The following CUX2 variants were observed in gnomAD, a reference collection of about 807,000 sequenced individuals.
CUX2 encodes homeobox protein cut-like 2.
In CUX2, 40 loss-of-function variants were observed where a neutral mutation model predicts 144.8. The observed-to-expected ratio is 0.28, with a 90% confidence interval of 0.21 to 0.36. CUX2 has a LOEUF of 0.36. CUX2 is among the 10% of genes least tolerant of loss of function. The pLI is 1.00. For missense variants in CUX2, 1,615 were observed against 1,994.0 expected (o/e 0.81, Z 3.62); for synonymous variants, 827 against 875.6 (o/e 0.94, Z 0.98).
chr12:111,277,660 C>T lies in CUX2; in HGVS notation c.302-13758C>T, dbSNP rs917857438. Among the ~76,000 whole-genome samples, 2 of 152,180 alleles carry T rather than the reference C, an allele frequency of 1.3e-5. No homozygotes were observed. The highest frequency in any genetic ancestry group is 2.9e-5 in the Non-Finnish European group (2 of 68,038). ...GGAGGGCAGGAATTTTCTATCATTT[C>T]CTGCTGGACCTCCACGGCCCAGAGC... On this transcript the variant is annotated intron_variant, in intron 4 of 21. Transcript: ENST00000261726. This position sits in a 1 kb window ranked among gnomAD's most constrained non-coding sequence, Gnocchi z 5.0.
rs374694155 is a variant in CUX2, at chr12:111,293,462, G to A, written c.453G>A (p.Thr151=). The change falls in exon 6 of 22, where the codon ACG becomes ACA. Residue 151 remains threonine (T), a synonymous_variant. Transcript: ENST00000261726. This position sits in a 1 kb window ranked among gnomAD's most constrained non-coding sequence, Gnocchi z 4.5. ...LLSPKEQREG[T]SPAGPTLTEG... ...TCCCTGCAGAGCAGAGAGAGGGGAC[G>A]TCGCCTGCCGGGCCCACGCTGACCG... is the stretch of plus-strand genomic sequence containing the variant. 69 of 1,608,012 alleles carry A rather than the reference G, an allele frequency of 4.3e-5. No individual in the cohort carries two copies. The highest frequency in any genetic ancestry group is 2.3e-4 in the African/African-American group (17 of 74,870).
intron 4 of CUX2, among the ~76,000 whole-genome samples, chr12:111,285,282 C>T (rs1026815910): frequency 1.3e-5 from 2 of 152,130 alleles, no homozygotes; most frequent in African/African-American, 4.8e-5. Flanking sequence ...AATGGTGAGA[C>T]CACCTGGGTC....
rs151241592 is a variant in CUX2, at chr12:111,037,729, C to T, written c.63+3489C>T. Among the ~76,000 whole-genome samples the T allele has an allele frequency of 1.2e-3, 176 of 152,130 alleles. No homozygotes were observed. Among genetic ancestry groups the T allele is most frequent in the African/African-American group, 4.2e-3 (173 of 41,516 alleles). On this transcript the variant is annotated intron_variant, in intron 1 of 21. Transcript: ENST00000261726. The surrounding 1 kb of genome is among the most constrained non-coding windows in gnomAD (Gnocchi z 5.4). ...TTTTTATGGCTTTTCTGTGTATAAT[C>T]GTCGTAACCGGATTCATACCTTTAT...
At chr12:111,217,476 A>G (rs553154731) in intron 2 of CUX2, among the ~76,000 whole-genome samples, 60 of 152,296 alleles carry the variant, frequency 3.9e-4, no homozygotes, top group Non-Finnish European at 7.6e-4. Flanking sequence ...AAGGGCTTTC[A>G]TGTAGTGCTG....
rs1053305592 is a variant in CUX2, at chr12:111,144,889, G to T, written c.64-69311G>T. ...GCTCTTTCTCTTGTCACTGGGTCAG[G>T]CTGTGAGTGAGCTGGGGGTGGGCTC... On this transcript the variant is annotated intron_variant, in intron 1 of 21. Coordinates refer to ENST00000261726, the MANE Select transcript of CUX2 (RefSeq NM_015267.4). 6.6e-5 allele frequency among the ~76,000 whole-genome samples: 10 copies of T among 152,282 alleles called. No homozygotes were observed. The East Asian group carries it at 1.9e-3, about 29-fold the overall frequency.
rs1209886278 is a variant in CUX2 at position 111,176,022 on chromosome 12, CTCTTCTTCT to C, written c.64-38167_64-38159del. Among the ~76,000 whole-genome samples the C allele has an allele frequency of 1.1e-3, 147 of 137,602 alleles. 1 individual carries two copies. The highest frequency in any genetic ancestry group is 3.7e-3 in the African/African-American group (136 of 36,446). The allele number at this position is 137,602 out of a possible 152,430, so 90.3% of individuals were successfully genotyped here. On this transcript the variant is annotated intron_variant, in intron 1 of 21. Coordinates refer to ENST00000261726, the MANE Select transcript of CUX2 (RefSeq NM_015267.4). ...GGAGAACTGATGGGGTTTGAGGAGT[CTCTTCTTCT>C]TCTTCTTCTTTTTTTTTTTTTTTTT...
chr12:111,110,493 T>C (rs1323492986), intron 1 of CUX2, among the ~76,000 whole-genome samples: 3 of 152,252 alleles, frequency 2.0e-5, no homozygotes, highest in African/African-American at 7.2e-5. Context: ...TCTGCCTTTA[T>C]CTGAGCAGGC....
At chr12:111,313,660 T>G (rs1273027308) in intron 16 of CUX2, among the ~76,000 whole-genome samples, 1 of 150,208 alleles carries the variant, frequency 6.7e-6, no homozygotes, top group Non-Finnish European at 1.5e-5. Context: ...AAAAAAAAAA[T>G]GGGGACTGTA....
intron 4 of CUX2, among the ~76,000 whole-genome samples, chr12:111,286,985 T>C (rs1885419737): frequency 6.6e-6 from 1 of 152,156 alleles, no homozygotes; most frequent in Admixed American, 6.5e-5. Flanking sequence ...TTGGATTCTG[T>C]GAGCTTAATG....
chr12:111,103,493 A>C (rs949759994), intron 1 of CUX2, among the ~76,000 whole-genome samples: 3 of 152,186 alleles, frequency 2.0e-5, no homozygotes, highest in Non-Finnish European at 4.4e-5. Flanking sequence ...ACTGTGAGGG[A>C]AACTTCATTC....
chr12:111,085,522 G>A (rs1482264971), intron 1 of CUX2, among the ~76,000 whole-genome samples: 1 of 152,136 alleles, frequency 6.6e-6, no homozygotes, highest in Non-Finnish European at 1.5e-5. Flanking sequence ...AGGAGATAAG[G>A]CCAAAGGAAT....
Position 111,080,516 on chromosome 12 carries a change from TA to T in CUX2, c.63+46290del, listed in dbSNP as rs150815012. ...GCAAGACCCCATCTCTCTGTCTCTC[TA>T]AAAAAAAAAAAAATAGCCAGGCATG... is the stretch of plus-strand genomic sequence containing the variant. On this transcript the variant is annotated intron_variant, in intron 1 of 21. Transcript: ENST00000261726. Among the ~76,000 whole-genome samples, 1,382 of 140,186 alleles carry T rather than the reference TA, an allele frequency of 9.9e-3. 3 individuals carry two copies. Among genetic ancestry groups the T allele is most frequent in the South Asian group, 0.013 (55 of 4,334 alleles). 92.0% of individuals were successfully genotyped at this position (140,186 alleles called of 152,430 possible).
intron 1 of CUX2, among the ~76,000 whole-genome samples, chr12:111,084,565 A>G (rs1005424555): frequency 2.0e-5 from 3 of 151,712 alleles, no homozygotes; most frequent in Non-Finnish European, 2.9e-5. Context: ...GGGCTGGGGC[A>G]TAAGTGGCCT....
At chr12:111,184,069 C>T (rs754535119) in intron 1 of CUX2, among the ~76,000 whole-genome samples, 7 of 152,186 alleles carry the variant, frequency 4.6e-5, no homozygotes, top group Non-Finnish European at 1.0e-4. Flanking sequence ...AGGAAAGAGG[C>T]AGTCCCTTGC....
chr12:111,043,070 C>T (rs773932607), intron 1 of CUX2, among the ~76,000 whole-genome samples: 6 of 152,042 alleles, frequency 3.9e-5, no homozygotes, highest in South Asian at 2.1e-4. Context: ...TCACCACTTA[C>T]GGTATAAATA....
chr12:111,331,909 A>T (rs952582658), intron 18 of CUX2, among the ~76,000 whole-genome samples: 2 of 151,782 alleles, frequency 1.3e-5, no homozygotes, highest in African/African-American at 4.8e-5. Flanking sequence ...GCGAAACCCC[A>T]TCTCTACTAA....
chr12:111,249,953 G>A (rs28562142), intron 3 of CUX2, among the ~76,000 whole-genome samples: 269 of 152,204 alleles, frequency 1.8e-3, no homozygotes, highest in African/African-American at 6.1e-3. Flanking sequence ...CATACTTTAC[G>A]TGAGGGGCCA....
chr12:111,034,327 C>A lies in CUX2; in HGVS notation c.63+87C>A, dbSNP rs530365979. On this transcript the variant is annotated intron_variant, in intron 1 of 21. Coordinates refer to ENST00000261726, the MANE Select transcript of CUX2 (RefSeq NM_015267.4). The surrounding 1 kb of genome is among the most constrained non-coding windows in gnomAD (Gnocchi z 4.2). ...TTGGGGAGGTCCCCGGGCGGGCAGG[C>A]GGACGCCCTGGGGCGGCGGGCGGCG... The A allele has an allele frequency of 6.2e-5, 50 of 807,446 alleles. No homozygotes were observed. The highest frequency in any genetic ancestry group is 1.2e-3 in the Middle Eastern group (2 of 1,684). 50.0% of individuals were successfully genotyped at this position (807,446 alleles called of 1,614,324 possible).
At chr12:111,121,101 C>CAAA (rs768230942) in intron 1 of CUX2, among the ~76,000 whole-genome samples, 4 of 81,612 alleles carry the variant, frequency 4.9e-5, no homozygotes, top group Admixed American at 2.9e-4. Context: ...GTTGTTACCA[C>CAAA]AAAAAAAAAA....
Sources: allele counts gnomAD v4.1 joint callset (sites outside exome capture counted in the v4.1 genomes callset), GRCh38; gene constraint gnomAD v4.1.1; non-coding constraint Gnocchi (gnomAD v3.1); transcripts MANE v1.5; gene names NCBI Gene and HGNC (gene_info 2026-07-23, HGNC 2026-07-21).